SH3GL2: variants seen among roughly 807,000 people sequenced by gnomAD.
SH3GL2 encodes the protein endophilin-A1.
Under a neutral mutation model 46.0 loss-of-function variants are expected in SH3GL2, and 24 were observed. The observed-to-expected ratio is 0.52, with a 90% CI of 0.38 to 0.73. SH3GL2 has a LOEUF of 0.73. SH3GL2 is among the 30% of genes least tolerant of loss of function. SH3GL2 has a pLI of 0.00. For synonymous variants in SH3GL2, 196 were observed against 147.1 expected (o/e 1.33, Z -2.40); for missense variants, 413 against 424.2 (o/e 0.97, Z 0.23).
intron 1 of SH3GL2, among the ~76,000 whole-genome samples, chr9:17,687,887 C>T (rs546229335): frequency 1.3e-5 from 2 of 152,082 alleles, no homozygotes; most frequent in African/African-American, 4.8e-5. Flanking sequence ...GTTACCATGG[C>T]GAGGATTGCT....
At chr9:17,702,768 C>G (rs1821370587) in intron 1 of SH3GL2, among the ~76,000 whole-genome samples, 1 of 151,928 alleles carries the variant, frequency 6.6e-6, no homozygotes, top group South Asian at 2.1e-4. Context: ...ATAATGTCCA[C>G]CGAAATATCT....
intron 1 of SH3GL2, among the ~76,000 whole-genome samples, chr9:17,641,827 A>T (rs1218820240): frequency 1.4e-5 from 2 of 146,922 alleles, no homozygotes; most frequent in Non-Finnish European, 3.0e-5. Flanking sequence ...CATTTTCTTT[A>T]TCCAGTCTAT....
chr9:17,631,823 G>T (rs2134625761), intron 1 of SH3GL2, among the ~76,000 whole-genome samples: 1 of 152,292 alleles, frequency 6.6e-6, no homozygotes, highest in African/African-American at 2.4e-5. Context: ...AAGTAAAGAG[G>T]TTGGCTTATT....
intron 1 of SH3GL2, among the ~76,000 whole-genome samples, chr9:17,656,097 A>G (rs1339663925): frequency 4.6e-5 from 7 of 152,294 alleles, no homozygotes; most frequent in East Asian, 1.9e-4. Context: ...TTGGCTTTCT[A>G]TAATTGATTT....
chr9:17,748,898 A>G (rs1192515049), intron 2 of SH3GL2, among the ~76,000 whole-genome samples: 1 of 152,176 alleles, frequency 6.6e-6, no homozygotes, highest in South Asian at 2.1e-4. Context: ...AACAGCATGC[A>G]AGCAGGCAAG....
intron 1 of SH3GL2, among the ~76,000 whole-genome samples, chr9:17,627,607 T>A (rs776817633): frequency 1.3e-5 from 2 of 152,256 alleles, no homozygotes; most frequent in Non-Finnish European, 2.9e-5. Context: ...GAGTATAATT[T>A]CTATGAATTG....
At chr9:17,603,229 A>G (rs1314758916) in intron 1 of SH3GL2, among the ~76,000 whole-genome samples, 1 of 152,202 alleles carries the variant, frequency 6.6e-6, no homozygotes, top group Non-Finnish European at 1.5e-5. Flanking sequence ...TTGTATGCCA[A>G]TGTTCCTTGC....
At chr9:17,774,816 A>G (rs1304183348) in intron 3 of SH3GL2, among the ~76,000 whole-genome samples, 1 of 152,156 alleles carries the variant, frequency 6.6e-6, no homozygotes. Flanking sequence ...ATGAGCAGGA[A>G]ATTTTCCTTC....
chr9:17,628,411 G>GGTGTGTGT (rs3084633), intron 1 of SH3GL2, among the ~76,000 whole-genome samples: 38 of 143,770 alleles, frequency 2.6e-4, no homozygotes, highest in Middle Eastern at 3.5e-3. Flanking sequence ...CTATATCTTG[G>GGTGTGTGT]GTGTGTGTGT....
chr9:17,646,008 C>A (rs548368304), intron 1 of SH3GL2, among the ~76,000 whole-genome samples: 129 of 152,142 alleles, frequency 8.5e-4, no homozygotes, highest in Non-Finnish European at 1.6e-3. Flanking sequence ...TTCAGATACA[C>A]CACTCAACCA....
chr9:17,604,281 A>T (rs1285678651), intron 1 of SH3GL2, among the ~76,000 whole-genome samples: 1 of 152,164 alleles, frequency 6.6e-6, no homozygotes, highest in Non-Finnish European at 1.5e-5. Context: ...TCTGCTGCTT[A>T]CTCGCCAAGT....
At chr9:17,670,688 T>G (rs1041326434) in intron 1 of SH3GL2, among the ~76,000 whole-genome samples, 1 of 152,218 alleles carries the variant, frequency 6.6e-6, no homozygotes. Flanking sequence ...AAATTGTCAT[T>G]TAAGTATGTC....
intron 1 of SH3GL2, among the ~76,000 whole-genome samples, chr9:17,633,539 G>T (rs1241875245): frequency 6.6e-6 from 1 of 152,180 alleles, no homozygotes. Flanking sequence ...ATAAGTTATG[G>T]TGAGATTAAA....
chr9:17,666,371 T>A (rs1406089221), intron 1 of SH3GL2, among the ~76,000 whole-genome samples: 1 of 152,082 alleles, frequency 6.6e-6, no homozygotes, highest in African/African-American at 2.4e-5. Context: ...CCAGAAACAT[T>A]ATGACTCTAA....
At chr9:17,685,876 G>A (rs1052875686) in intron 1 of SH3GL2, among the ~76,000 whole-genome samples, 1 of 152,060 alleles carries the variant, frequency 6.6e-6, no homozygotes, top group African/African-American at 2.4e-5. Context: ...CAGGACGTAG[G>A]CATGGGCAAG....
intron 3 of SH3GL2, among the ~76,000 whole-genome samples, chr9:17,775,119 A>G (rs1823605521): frequency 1.6e-5 from 2 of 128,588 alleles, no homozygotes; most frequent in African/African-American, 5.9e-5. Context: ...GTAGATCAGA[A>G]TGAATATCCC....
chr9:17,644,468 G>A (rs1819758267), intron 1 of SH3GL2, among the ~76,000 whole-genome samples: 1 of 152,152 alleles, frequency 6.6e-6, no homozygotes, highest in Admixed American at 6.5e-5. Flanking sequence ...GGCATTTAGT[G>A]CTATAAATTT....
intron 3 of SH3GL2, among the ~76,000 whole-genome samples, chr9:17,773,338 T>G (rs753081287): frequency 2.6e-5 from 4 of 152,158 alleles, no homozygotes; most frequent in Non-Finnish European, 4.4e-5. Flanking sequence ...TGTAATTTTT[T>G]TTGTTGTTGC....
At chr9:17,769,727 C>A (rs1422033251) in intron 3 of SH3GL2, among the ~76,000 whole-genome samples, 1 of 152,044 alleles carries the variant, frequency 6.6e-6, no homozygotes, top group Non-Finnish European at 1.5e-5. Flanking sequence ...TTGGAATTAT[C>A]TTCTAATTTA....
Sources: gnomAD v4.1 joint callset for allele counts (sites outside exome capture counted in the v4.1 genomes callset) on GRCh38, gnomAD v4.1.1 for gene constraint, MANE v1.5 for transcripts, NCBI Gene and HGNC (gene_info 2026-07-23, HGNC 2026-07-21) for gene names.